The following P2RX7 variants were observed in gnomAD, a reference collection of about 807,000 sequenced individuals.
P2RX7 encodes purinergic receptor P2X 7.
Under a neutral mutation model 71.6 loss-of-function variants are expected in P2RX7, and 62 were observed. That is an observed-to-expected ratio of 0.87 (90% CI 0.71 to 1.07). The LOEUF is 1.07. Among genes scored for constraint, P2RX7 ranks in the 50% least tolerant of loss-of-function variants. P2RX7 has a pLI of 0.00. For missense variants in P2RX7, 686 were observed against 748.5 expected (o/e 0.92, Z 0.97); for synonymous variants, 299 against 283.3 (o/e 1.06, Z -0.56).
At chr12:121,148,782 A>C (rs1876795390) in intron 1 of P2RX7, among the ~76,000 whole-genome samples, 1 of 152,170 alleles carries the variant, frequency 6.6e-6, no homozygotes, top group Non-Finnish European at 1.5e-5. Flanking sequence ...CGGGTGGACC[A>C]GCGATGGACC....
At chr12:121,146,287 CTTTTTTTTT>C (rs35415599) in intron 1 of P2RX7, among the ~76,000 whole-genome samples, 15 of 80,480 alleles carry the variant, frequency 1.9e-4, no homozygotes, top group African/African-American at 6.2e-4. Context: ...TCAAGCCTCT[CTTTTTTTTT>C]TTTTTTTTTT....
At chr12:121,134,496 A>T (rs183353202) in intron 1 of P2RX7, among the ~76,000 whole-genome samples, 31 of 152,274 alleles carry the variant, frequency 2.0e-4, no homozygotes, top group African/African-American at 6.7e-4. Flanking sequence ...GGTTCAAGCG[A>T]TTCTCCTGCC....
Position 121,156,223 on chromosome 12 carries a change from T to C in P2RX7, c.363+76T>C. The C allele has an allele frequency of 3.4e-6, 4 of 1,192,234 alleles. No individual in the cohort carries two copies. In the East Asian group the frequency reaches 9.3e-5, roughly 28 times the overall value. 73.9% of individuals were successfully genotyped at this position (1,192,234 alleles called of 1,614,324 possible). ...AGGTGCAAGTCGGAAGAAGCAGAAATGCGGACCCTGGGGTGTATTTGAGCC... is the reference window on the plus strand; with the variant it reads ...AGGTGCAAGTCGGAAGAAGCAGAAACGCGGACCCTGGGGTGTATTTGAGCC... On this transcript the variant is annotated intron_variant, in intron 3 of 12. Coordinates refer to ENST00000328963, the MANE Select transcript of P2RX7 (RefSeq NM_002562.6).
chr12:121,177,288 T>C lies in P2RX7; in HGVS notation c.1039-9T>C. 2 of 1,614,126 alleles carry C rather than the reference T, an allele frequency of 1.2e-6. No homozygotes were observed. The highest frequency in any genetic ancestry group is 1.7e-6 in the Non-Finnish European group (2 of 1,180,042). Reference sequence around the variant, plus strand: ...TGACTAACGCAGCGCTTGTCTGCATTCTCCCCAGGCCGCTGTGTTCATCGA... The same window carrying C: ...TGACTAACGCAGCGCTTGTCTGCATCCTCCCCAGGCCGCTGTGTTCATCGA... On this transcript the variant is annotated splice_polypyrimidine_tract_variant and intron_variant, in intron 10 of 12. Coordinates refer to ENST00000328963, the MANE Select transcript of P2RX7 (RefSeq NM_002562.6).
intron 1 of P2RX7, among the ~76,000 whole-genome samples, chr12:121,141,676 T>G (rs578029372): frequency 6.6e-6 from 1 of 152,264 alleles, no homozygotes; most frequent in South Asian, 2.1e-4. Context: ...TCATTCTGCT[T>G]GAAATATAAC....
intron 1 of P2RX7, among the ~76,000 whole-genome samples, chr12:121,139,733 CTTT>C (rs10696338): frequency 0.076 from 9,630 of 126,678 alleles, 447 homozygotes; most frequent in Non-Finnish European, 0.097. Context: ...CCCTGACCAT[CTTT>C]TTTTTTTTTT....
chr12:121,182,118 T>G (rs1201002467), intron 12 of P2RX7, among the ~76,000 whole-genome samples: 1 of 152,156 alleles, frequency 6.6e-6, no homozygotes, highest in African/African-American at 2.4e-5. Flanking sequence ...TGAGTTTTCT[T>G]CTTTTTTTCT....
chr12:121,141,585 C>G (rs1874878939), intron 1 of P2RX7, among the ~76,000 whole-genome samples: 1 of 152,140 alleles, frequency 6.6e-6, no homozygotes, highest in African/African-American at 2.4e-5. Flanking sequence ...TGTCCCCCAG[C>G]CCCCAGCATC....
In P2RX7 at chr12:121,184,513, G is replaced by A. The variant is rs118111623; in HGVS notation, c.1499G>A (p.Arg500Gln). 39 of 1,614,174 alleles carry A rather than the reference G, an allele frequency of 2.4e-5. No individual in the cohort carries two copies. The highest frequency in any genetic ancestry group is 2.8e-5 in the Non-Finnish European group (33 of 1,180,010). The change falls in exon 13 of 13, where the codon CGG becomes CAG. Residue 500 changes from arginine (R) to glutamine (Q), a missense_variant. Transcript: ENST00000328963. ...AGGTGCCTGGAGGAGCTGTGCTGCC[G>A]GAAAAAGCCGGGGGCCTGCATCACC... is the stretch of plus-strand genomic sequence containing the variant. The part of the protein sequence containing the change: ...SHRCLEELCC[R>Q]KKPGACITTS...
chr12:121,158,234 C>T (rs991467321), intron 3 of P2RX7, among the ~76,000 whole-genome samples: 15 of 152,188 alleles, frequency 9.9e-5, no homozygotes, highest in African/African-American at 3.4e-4. Flanking sequence ...TTAACACAAG[C>T]ATTTTATTAA....
chr12:121,155,270 C>G (rs1316555639), intron 2 of P2RX7: 2 of 1,338,832 alleles, frequency 1.5e-6, no homozygotes, highest in Non-Finnish European at 9.8e-7. Flanking sequence ...CCAGCAAGGT[C>G]TGCCGAGATT....
chr12:121,150,866 G>A (rs994082238), intron 1 of P2RX7, among the ~76,000 whole-genome samples: 1 of 152,116 alleles, frequency 6.6e-6, no homozygotes, highest in Non-Finnish European at 1.5e-5. Context: ...CTGAGATCGC[G>A]CCATTGCACT....
In P2RX7 at chr12:121,176,751, C is replaced by CAAA. The variant is rs34853051; in HGVS notation, c.973-377_973-375dup. 1.5e-3 allele frequency among the ~76,000 whole-genome samples: 103 copies of CAAA among 68,650 alleles called. 2 individuals are homozygous for CAAA. Among genetic ancestry groups the CAAA allele is most frequent in the Non-Finnish European group, 2.5e-3 (87 of 34,614 alleles). The allele number at this position is 68,650 out of a possible 152,430, so 45.0% of individuals were successfully genotyped here. A position where few individuals can be genotyped will look rare whatever the true frequency, so the allele number is the denominator to read the frequency against. On this transcript the variant is annotated intron_variant, in intron 9 of 12. Transcript: ENST00000328963. ...TGGGCAAGAGTGCGAGACTCTGTCT[C>CAAA]AAAAAAAAAAAAAAAAAAAAACCCA...
chr12:121,171,221 G>A (rs1254455026), intron 8 of P2RX7, among the ~76,000 whole-genome samples: 1 of 152,150 alleles, frequency 6.6e-6, no homozygotes, highest in Non-Finnish European at 1.5e-5. Context: ...TCGCTCTGAT[G>A]CTCTACGGGA....
At chr12:121,153,000 A>G (rs1877773470) in intron 1 of P2RX7, among the ~76,000 whole-genome samples, 1 of 152,260 alleles carries the variant, frequency 6.6e-6, no homozygotes, top group Non-Finnish European at 1.5e-5. Flanking sequence ...TTGCTGGGCC[A>G]TGGGGAATGC....
chr12:121,134,635 G>A (rs768708401), intron 1 of P2RX7, among the ~76,000 whole-genome samples: 5 of 152,246 alleles, frequency 3.3e-5, no homozygotes, highest in East Asian at 1.9e-4. Context: ...CAAGTGATCC[G>A]CCCACCTTGG....
At chr12:121,144,396 C>T (rs1388653893) in intron 1 of P2RX7, among the ~76,000 whole-genome samples, 1 of 152,174 alleles carries the variant, frequency 6.6e-6, no homozygotes, top group Non-Finnish European at 1.5e-5. Flanking sequence ...TGGGGTCTCA[C>T]CATGTTGGCC....
chr12:121,174,657 T>A (rs958404336), intron 8 of P2RX7, among the ~76,000 whole-genome samples: 4 of 152,162 alleles, frequency 2.6e-5, no homozygotes, highest in Admixed American at 6.6e-5. Flanking sequence ...GTAATTAGTA[T>A]GCAAGATTTA....
At chr12:121,157,881 A>G (rs1208598574) in intron 3 of P2RX7, among the ~76,000 whole-genome samples, 1 of 152,210 alleles carries the variant, frequency 6.6e-6, no homozygotes, top group Non-Finnish European at 1.5e-5. Context: ...CGCTTAAAAC[A>G]AGGCATGGTA....
Sources: gnomAD v4.1 joint callset for allele counts (sites outside exome capture counted in the v4.1 genomes callset) on GRCh38, gnomAD v4.1.1 for gene constraint, MANE v1.5 for transcripts, NCBI Gene and HGNC (gene_info 2026-07-23, HGNC 2026-07-21) for gene names.